The following HELZ variants were observed in gnomAD, a reference collection of about 807,000 sequenced individuals.
HELZ encodes the protein ATP-dependent RNA helicase with zinc finger domain.
HELZ carries 23 observed loss-of-function variants against 218.2 expected under a neutral mutation model. The observed-to-expected ratio is 0.11, with a 90% CI of 0.08 to 0.15. The LOEUF is 0.15. Among genes scored for constraint, HELZ ranks in the 10% least tolerant of loss-of-function variants. The pLI is 1.00. For synonymous variants in HELZ, 814 were observed against 829.4 expected, an observed-to-expected ratio of 0.98 and a Z score of 0.32; for missense variants, 1,813 against 2,353.7, an observed-to-expected ratio of 0.77 and a Z score of 4.75.
chr17:67,086,127 C>A (rs147380343), intron 32 of HELZ, among the ~76,000 whole-genome samples: 1 of 152,144 alleles, frequency 6.6e-6, no homozygotes, highest in Non-Finnish European at 1.5e-5. Flanking sequence ...CCACTCACCC[C>A]CCTCAGCCCT....
intron 23 of HELZ, 30 bp from the exon 24 acceptor site, chr17:67,128,885 CA>C: frequency 6.8e-7 from 1 of 1,467,702 alleles, no homozygotes; most frequent in African/African-American, 1.4e-5. Context: ...GATCAGATTA[CA>C]ATTCAATGGA....
intron 32 of HELZ, among the ~76,000 whole-genome samples, chr17:67,084,391 G>A (rs960398728): frequency 5.3e-5 from 8 of 152,152 alleles, no homozygotes; most frequent in Non-Finnish European, 7.3e-5. Context: ...GGCCGGGCGC[G>A]GTGGCTCACG....
rs755347886 is a variant in HELZ, at chr17:67,190,226, T to C, written c.687A>G (p.Lys229=). ...LIKLKQQNEN[K]QLSGSYMETL... is the part of the protein sequence containing the mutation. ...TTTCCATGTAACTGCCTGAGAGCTGTTTATTCTCATTTTGCTGTTTCAATT... is the reference window on the plus strand; with the variant it reads ...TTTCCATGTAACTGCCTGAGAGCTGCTTATTCTCATTTTGCTGTTTCAATT... Residue 229 remains lysine (K), a synonymous_variant, in exon 10 of 33, where the codon AAA becomes AAG. Coordinates refer to ENST00000358691, the MANE Select transcript of HELZ (RefSeq NM_014877.4). 6.2e-7 allele frequency: 1 copy of C among 1,614,016 alleles called. No individual in the cohort carries two copies. Among genetic ancestry groups the C allele is most frequent in the South Asian group, 1.1e-5 (1 of 91,064 alleles).
At chr17:67,203,147 A>G (rs569089790) in intron 6 of HELZ, among the ~76,000 whole-genome samples, 172 bp downstream of exon 6, 3 of 152,150 alleles carry the variant, frequency 2.0e-5, no homozygotes, top group Non-Finnish European at 2.9e-5. Flanking sequence ...CAAAAAAAGA[A>G]AAGAAAGAAA....
At chr17:67,202,139 G>A (rs970198549) in intron 6 of HELZ, among the ~76,000 whole-genome samples, 1 of 151,452 alleles carries the variant, frequency 6.6e-6, no homozygotes, top group African/African-American at 2.4e-5. Flanking sequence ...TCACACAGCA[G>A]AGCAAAGTAT....
intron 22 of HELZ, 91 bp from the exon 23 acceptor site, chr17:67,136,289 C>T: frequency 1.2e-6 from 1 of 843,916 alleles, no homozygotes; most frequent in South Asian, 1.7e-5. Flanking sequence ...AATGTTATTG[C>T]TAAATAACAA....
At chr17:67,177,425 T>C (rs1439100056) in intron 13 of HELZ, among the ~76,000 whole-genome samples, 1 of 152,120 alleles carries the variant, frequency 6.6e-6, no homozygotes, top group Non-Finnish European at 1.5e-5. Context: ...TAATAAAATA[T>C]TAAACAAATA....
chr17:67,158,079 C>G (rs1309271904), intron 17 of HELZ, among the ~76,000 whole-genome samples: 1 of 152,204 alleles, frequency 6.6e-6, no homozygotes, highest in Non-Finnish European at 1.5e-5. Flanking sequence ...CAGCTCAACT[C>G]CTGGCAACTA....
chr17:67,245,496 C>A (rs921668499), upstream of HELZ: 7 of 985,726 alleles, frequency 7.1e-6, no homozygotes, highest in South Asian at 4.7e-5. Flanking sequence ...GCAGACGCCC[C>A]GCGTCTGCAT....
At position 67,160,940 on chromosome 17, in the gene HELZ, G is replaced by C; in HGVS notation, c.2032C>G (p.Leu678Val). 6.2e-7 allele frequency: 1 copy of C among 1,613,524 alleles called. No homozygotes were observed. Among genetic ancestry groups the C allele is most frequent in the Non-Finnish European group, 8.5e-7 (1 of 1,179,728 alleles). The change falls in exon 16 of 33, where the codon CTA (leucine) becomes GTA (valine). Residue 678 changes from leucine (L) to valine (V), a missense_variant. By Grantham distance (32) the Leu-to-Val change is conservative (BLOSUM62 1). This residue lies in a region of HELZ where 714 missense variants were observed against 1,029.2 expected (regional missense o/e 0.69). Coordinates refer to ENST00000358691, the MANE Select transcript of HELZ (RefSeq NM_014877.4). ...AGAATATGTTTGACAGCCTGAGCTAGAGTGAACGTTTTGCCTGTCCCATAG... is the reference window on the plus strand; with the variant it reads ...AGAATATGTTTGACAGCCTGAGCTACAGTGAACGTTTTGCCTGTCCCATAG... ...GPYGTGKTFT[L>V]AQAVKHILQQ...
intron 3 of HELZ, among the ~76,000 whole-genome samples, chr17:67,227,934 A>C (rs1299306584): frequency 1.3e-5 from 2 of 152,262 alleles, no homozygotes; most frequent in Non-Finnish European, 2.9e-5. Context: ...GACTTTAAGC[A>C]AAAGTAAACT....
At position 67,118,602 on chromosome 17, in the gene HELZ, G is replaced by A. The variant is rs576953349; in HGVS notation, c.3838+1803C>T. Among the ~76,000 whole-genome samples the A allele has an allele frequency of 4.3e-4, 61 of 140,380 alleles. 1 individual carries two copies. The East Asian group carries it at 0.012, about 28-fold the overall frequency. 92.1% of individuals were successfully genotyped at this position (140,380 alleles called of 152,430 possible). A position where few individuals can be genotyped will look rare whatever the true frequency, so the allele number is the denominator to read the frequency against. ...ACAGTGGCGTGTGCCTGTAGTCCCA[G>A]ATACTCAGGAGGCTGAGGTGAGAGG... On this transcript the variant is annotated intron_variant, in intron 27 of 32. Coordinates refer to ENST00000358691, the MANE Select transcript of HELZ (RefSeq NM_014877.4).
At position 67,109,590 on chromosome 17, in the gene HELZ, G is replaced by A. The variant is rs2037216942; in HGVS notation, c.4015C>T (p.Pro1339Ser). 3.1e-6 allele frequency: 5 copies of A among 1,614,128 alleles called. No homozygotes were observed. Among genetic ancestry groups the A allele is most frequent in the Non-Finnish European group, 4.2e-6 (5 of 1,180,002 alleles). The change falls in exon 29 of 33, where the codon CCA becomes TCA. Residue 1339 changes from proline (P) to serine (S), a missense_variant. Physicochemically the swap from Pro to Ser is moderately conservative, Grantham distance 74. This residue lies in a region of HELZ where 938 missense variants were observed against 1,027.5 expected (regional missense o/e 0.91). Transcript: ENST00000358691. ...TKFPRKDNLN[P>S]RHINLPLPAP... ...GGAAGGGGAAGATTTATGTGTCTTG[G>A]GTTGAGATTATCTTTGCGAGGAAAT... is the stretch of plus-strand genomic sequence containing the variant.
intron 8 of HELZ, among the ~76,000 whole-genome samples, chr17:67,194,732 CA>C (rs1437343859): frequency 3.3e-5 from 5 of 152,114 alleles, no homozygotes. Context: ...CAACAAGTTT[CA>C]AGGAACTTAT....
At position 67,070,555 on chromosome 17, in the gene HELZ, G is replaced by A. The variant is rs2035861703; in HGVS notation, c.*7697C>T. 1 of 152,160 alleles carries A rather than the reference G, an allele frequency of 6.6e-6. No homozygotes were observed. Among genetic ancestry groups the A allele is most frequent in the South Asian group, 2.1e-4 (1 of 4,826 alleles). 9.4% of individuals were successfully genotyped at this position (152,160 alleles called of 1,614,324 possible). ...ACTTCACTGAGACAATGAGCACACT[G>A]TAGGAACTGTAGACCCCAAGTTGAA... On this transcript the variant is annotated 3_prime_UTR_variant, in exon 33 of 33. Transcript: ENST00000358691.
intron 3 of HELZ, among the ~76,000 whole-genome samples, chr17:67,237,317 G>C (rs1377118709): frequency 6.6e-6 from 1 of 152,142 alleles, no homozygotes; most frequent in Non-Finnish European, 1.5e-5. Context: ...TTATTTATTA[G>C]TTTAACATTT....
chr17:67,176,608 G>A (rs547853702), intron 13 of HELZ: 1 of 152,376 alleles, frequency 6.6e-6, no homozygotes, highest in East Asian at 1.9e-4. Context: ...GGCCAGAGCG[G>A]GTGGATCACT....
intron 3 of HELZ, among the ~76,000 whole-genome samples, chr17:67,230,031 G>T (rs1456298313): frequency 2.0e-5 from 3 of 152,156 alleles, no homozygotes; most frequent in African/African-American, 7.2e-5. Flanking sequence ...ATACATAAAA[G>T]AAATATCCTG....
rs1268768975 is a variant in HELZ, at chr17:67,084,127, A to C, written c.5494+2702T>G. On this transcript the variant is annotated intron_variant, in intron 32 of 32. Coordinates refer to ENST00000358691, the MANE Select transcript of HELZ (RefSeq NM_014877.4). ...ATTCTCTAAAAATAAAAAATTGATA[A>C]ACAAGAAGTTGTGCTTCAGGACACT... is the stretch of plus-strand genomic sequence containing the variant. Among the ~76,000 whole-genome samples the C allele has an allele frequency of 5.3e-5, 8 of 152,204 alleles. 1 individual carries two copies. Among genetic ancestry groups the C allele is most frequent in the Non-Finnish European group, 1.0e-4 (7 of 68,014 alleles).
Sources: gnomAD v4.1 joint callset for allele counts (sites outside exome capture counted in the v4.1 genomes callset) on GRCh38, gnomAD v4.1.1 for gene constraint, gnomAD v4.1.1 regional missense constraint, MANE v1.5 for transcripts, NCBI Gene and HGNC (gene_info 2026-07-23, HGNC 2026-07-21) for gene names.